FXYD2: variants seen among roughly 807,000 people sequenced by gnomAD.
The protein encoded by FXYD2 is FXYD domain containing ion transport regulator 2.
FXYD2 carries 8 observed loss-of-function variants against 11.8 expected under a neutral mutation model. The ratio of observed to expected loss-of-function variants is 0.68; its 90% CI spans 0.40 to 1.22. FXYD2 has a LOEUF of 1.22. Ranked by LOEUF, FXYD2 falls within the 50% of genes most tolerant of loss-of-function variation. FXYD2 has a pLI of 0.01. For synonymous variants in FXYD2, 42 were observed against 33.3 expected (o/e 1.26, Z -0.90); for missense variants, 92 against 91.8 (o/e 1.00, Z -0.01).
Position 117,824,544 on chromosome 11 carries a change from G to T in FXYD2, c.25+110C>A. 2.3e-6 allele frequency: 2 copies of T among 887,240 alleles called. No individual in the cohort carries two copies. Among genetic ancestry groups the T allele is most frequent in the Non-Finnish European group, 3.7e-6 (2 of 533,746 alleles). 55.0% of individuals were successfully genotyped at this position (887,240 alleles called of 1,614,324 possible). On this transcript the variant is annotated intron_variant, in intron 1 of 5. Transcript: ENST00000292079. This position sits in a 1 kb window ranked among gnomAD's most constrained non-coding sequence, Gnocchi z 4.0. ...GAAGAGGGGCTGGGTACTCTGGAAG[G>T]CTGAGGTGGCAGGAGAGGGAAGAGT...
rs199722279 is a variant in FXYD2 at position 117,822,620 on chromosome 11, G to A, written c.64+59C>T. On this transcript the variant is annotated intron_variant, in intron 2 of 5. Transcript: ENST00000292079. This position sits in a 1 kb window ranked among gnomAD's most constrained non-coding sequence, Gnocchi z 4.7. ...CATGGACCTGGGGCTGGGAGAGGCC[G>A]CTGCTTGGTGGAAGGGGTCCTGAGG... 7.2e-4 allele frequency: 1,148 copies of A among 1,592,578 alleles called. 7 individuals are homozygous for A. The African/African-American group carries it at 0.013, about 18-fold the overall frequency.
rs778421158 is a variant in FXYD2 at position 117,820,369 on chromosome 11, G to A, written c.*10C>T. 88 of 488,636 alleles carry A rather than the reference G, an allele frequency of 1.8e-4. 1 individual carries two copies. The highest frequency in any genetic ancestry group is 2.8e-4 in the Non-Finnish European group (76 of 275,452). 30.3% of individuals were successfully genotyped at this position (488,636 alleles called of 1,614,324 possible). On this transcript the variant is annotated 3_prime_UTR_variant, in exon 6 of 6. Transcript: ENST00000292079. Reference sequence around the variant, plus strand: ...CCCCAGTGCAGTGGGTGGCACCGCCGAGGCTGAGAAGACAAAGGCAGGATG... The same window carrying A: ...CCCCAGTGCAGTGGGTGGCACCGCCAAGGCTGAGAAGACAAAGGCAGGATG...
In FXYD2 at chr11:117,824,607, G is replaced by T; in HGVS notation, c.25+47C>A. 1 of 1,513,806 alleles carries T rather than the reference G, an allele frequency of 6.6e-7. No homozygotes were observed. The highest frequency in any genetic ancestry group is 9.2e-7 in the Non-Finnish European group (1 of 1,088,946). The allele number at this position is 1,513,806 out of a possible 1,614,324, so 93.8% of individuals were successfully genotyped here. On this transcript the variant is annotated intron_variant, in intron 1 of 5. Coordinates refer to ENST00000292079, the MANE Select transcript of FXYD2 (RefSeq NM_001680.5). This position sits in a 1 kb window ranked among gnomAD's most constrained non-coding sequence, Gnocchi z 4.0. Reference sequence around the variant, plus strand: ...ACCCCACAAAGGCAGGCCAATCAGAGCCACCCAGCATTGCACACGCCCGGG... The same window carrying T: ...ACCCCACAAAGGCAGGCCAATCAGATCCACCCAGCATTGCACACGCCCGGG...
chr11:117,822,640 C>T lies in FXYD2; in HGVS notation c.64+39G>A, dbSNP rs781565039. The T allele has an allele frequency of 1.2e-6, 2 of 1,603,224 alleles. No homozygotes were observed. Among genetic ancestry groups the T allele is most frequent in the Non-Finnish European group, 1.7e-6 (2 of 1,176,202 alleles). On this transcript the variant is annotated intron_variant, in intron 2 of 5. Coordinates refer to ENST00000292079, the MANE Select transcript of FXYD2 (RefSeq NM_001680.5). The surrounding 1 kb of genome is among the most constrained non-coding windows in gnomAD (Gnocchi z 4.7). ...AGGCCGCTGCTTGGTGGAAGGGGTCCTGAGGGCTCAGGAAGGGTGCGCAGG... is the reference window on the plus strand; with the variant it reads ...AGGCCGCTGCTTGGTGGAAGGGGTCTTGAGGGCTCAGGAAGGGTGCGCAGG...
At chr11:117,826,354 G>A (rs980451181), upstream of FXYD2, among the ~76,000 whole-genome samples, 4 of 152,326 alleles carry the variant, frequency 2.6e-5, no homozygotes, top group Admixed American at 1.3e-4. Context: ...CAGAGCCAGC[G>A]TTTGGTGAAG....
chr11:117,827,468 C>T (rs189335750), upstream of FXYD2, among the ~76,000 whole-genome samples: 902 of 152,312 alleles, frequency 5.9e-3, 15 homozygotes, highest in Middle Eastern at 0.02. Flanking sequence ...AGGCTGGTCT[C>T]GAACTCCTGA....
upstream of FXYD2, chr11:117,824,860 G>T: frequency 1.3e-6 from 1 of 765,442 alleles, no homozygotes; most frequent in Non-Finnish European, 2.2e-6. The surrounding 1 kb of genome is among the most constrained non-coding windows in gnomAD (Gnocchi z 4.0). Context: ...GGCTCCTTCT[G>T]CAGGGTGAGG....
chr11:117,821,850 T>C, intron 3 of FXYD2: 2 of 997,978 alleles, frequency 2.0e-6, no homozygotes, highest in South Asian at 4.4e-5. Context: ...CTTCTTTCCA[T>C]GGGTTGTGTT....
intron 1 of FXYD2, among the ~76,000 whole-genome samples, chr11:117,823,956 C>T (rs1042464590): frequency 1.6e-4 from 25 of 152,194 alleles, no homozygotes; most frequent in Admixed American, 4.6e-4. Context: ...CACAGAAGGC[C>T]GTCAGGGCTG....
At chr11:117,824,798 T>G, upstream of FXYD2, 1 of 1,257,354 alleles carries the variant, frequency 8.0e-7, no homozygotes, top group South Asian at 1.3e-5. This position sits in a 1 kb window ranked among gnomAD's most constrained non-coding sequence, Gnocchi z 4.0. Flanking sequence ...ACATTAACAG[T>G]GCCAGGTAAT....
upstream of FXYD2, chr11:117,827,999 G>C (rs1365397001): frequency 8.4e-6 from 13 of 1,547,666 alleles, no homozygotes; most frequent in Non-Finnish European, 1.1e-5. Flanking sequence ...ACTCACCCAG[G>C]TACCACCTGT....
At chr11:117,827,319 G>A (rs777780164), upstream of FXYD2, among the ~76,000 whole-genome samples, 1 of 152,122 alleles carries the variant, frequency 6.6e-6, no homozygotes, top group Non-Finnish European at 1.5e-5. Flanking sequence ...GTGCGATCTC[G>A]ACTCACTGCA....
chr11:117,821,911 T>C (rs920463276), intron 3 of FXYD2: 9 of 1,016,366 alleles, frequency 8.9e-6, no homozygotes, highest in African/African-American at 1.7e-5. Flanking sequence ...TGTGCAGTTA[T>C]TAAGCTCCTG....
Position 117,824,730 on chromosome 11 carries a change from T to C in FXYD2, c.-52A>G. 1 of 1,610,024 alleles carries C rather than the reference T, an allele frequency of 6.2e-7. No homozygotes were observed. Among genetic ancestry groups the C allele is most frequent in the Non-Finnish European group, 8.5e-7 (1 of 1,178,338 alleles). ...CTCCCCTCTTCCTGCTGTCTCTGCT[T>C]TTTGGAGAGTGTCTGGCTGCCTCCA... On this transcript the variant is annotated 5_prime_UTR_variant, in exon 1 of 6. Coordinates refer to ENST00000292079, the MANE Select transcript of FXYD2 (RefSeq NM_001680.5). The surrounding 1 kb of genome is among the most constrained non-coding windows in gnomAD (Gnocchi z 4.0).
At chr11:117,821,406 A>G (rs10892179) in intron 3 of FXYD2, 195,433 of 986,252 alleles carry the variant, frequency 0.2, 20,260 homozygotes, top group Non-Finnish European at 0.21. Flanking sequence ...TTAAGAACCT[A>G]AGTCAGTCAG....
chr11:117,826,754 A>ATCTGTCTG (rs61440081), upstream of FXYD2, among the ~76,000 whole-genome samples: 8,577 of 143,056 alleles, frequency 0.06, 351 homozygotes, highest in Non-Finnish European at 0.065. Flanking sequence ...AAATAAATTC[A>ATCTGTCTG]TCTGTCTGTC....
chr11:117,823,216 C>T (rs1784524429), intron 1 of FXYD2, among the ~76,000 whole-genome samples: 1 of 152,218 alleles, frequency 6.6e-6, no homozygotes, highest in Admixed American at 6.5e-5. Context: ...TGAGACAGAC[C>T]TCCTTTCCTG....
At position 117,824,385 on chromosome 11, in the gene FXYD2, C is replaced by T; in HGVS notation, c.25+269G>A. 1 of 584,070 alleles carries T rather than the reference C, an allele frequency of 1.7e-6. No individual in the cohort carries two copies. Among genetic ancestry groups the T allele is most frequent in the South Asian group, 1.9e-5 (1 of 51,364 alleles). The allele number at this position is 584,070 out of a possible 1,614,324, so 36.2% of individuals were successfully genotyped here. A position where few individuals can be genotyped will look rare whatever the true frequency, so the allele number is the denominator to read the frequency against. Reference sequence around the variant, plus strand: ...GCATTGAACTCAGGGCGGGTGTGTGCCAGGAGGCCGAGGAGGAACGCTCAG... The same window carrying T: ...GCATTGAACTCAGGGCGGGTGTGTGTCAGGAGGCCGAGGAGGAACGCTCAG... On this transcript the variant is annotated intron_variant, in intron 1 of 5. Transcript: ENST00000292079. This position sits in a 1 kb window ranked among gnomAD's most constrained non-coding sequence, Gnocchi z 4.0.
At chr11:117,820,527 G>T in intron 5 of FXYD2, 139 bp downstream of exon 5, 1 of 1,071,208 alleles carries the variant, frequency 9.3e-7, no homozygotes, top group Admixed American at 2.0e-5. Flanking sequence ...TTAAACACAC[G>T]ATGGGTGACA....
Sources: gnomAD v4.1 joint callset for allele counts (sites outside exome capture counted in the v4.1 genomes callset) on GRCh38, gnomAD v4.1.1 for gene constraint, Gnocchi (gnomAD v3.1) non-coding constraint, MANE v1.5 for transcripts, NCBI Gene and HGNC (gene_info 2026-07-23, HGNC 2026-07-21) for gene names.